The following SLC24A3 variants were observed in gnomAD, a reference collection of about 807,000 sequenced individuals.
The protein encoded by SLC24A3 is solute carrier family 24 member 3, also known as sodium/potassium/calcium exchanger 3.
SLC24A3 carries 28 observed loss-of-function variants against 75.8 expected under a neutral mutation model. That is an observed-to-expected ratio of 0.37 (90% CI 0.27 to 0.51). SLC24A3 has a LOEUF of 0.51. Ranked by LOEUF, SLC24A3 falls within the 20% of genes least tolerant of loss-of-function variation. SLC24A3 has a pLI of 0.94. For synonymous variants in SLC24A3, 372 were observed against 334.1 expected (o/e 1.11, Z -1.24); for missense variants, 663 against 847.8 (o/e 0.78, Z 2.71).
intron 3 of SLC24A3, among the ~76,000 whole-genome samples, chr20:19,526,130 T>G (rs1414395822): frequency 6.6e-6 from 1 of 152,176 alleles, no homozygotes; most frequent in East Asian, 1.9e-4. Flanking sequence ...AGCTCACATG[T>G]TTCCCTTCCT....
chr20:19,603,923 G>T (rs187421242), intron 6 of SLC24A3, among the ~76,000 whole-genome samples: 1 of 152,174 alleles, frequency 6.6e-6, no homozygotes. Flanking sequence ...CATCATTCAC[G>T]TGTCTCTGTA....
chr20:19,608,235 G>C (rs371910011), intron 6 of SLC24A3, among the ~76,000 whole-genome samples: 1 of 152,174 alleles, frequency 6.6e-6, no homozygotes, highest in African/African-American at 2.4e-5. Context: ...AAACTTGTTC[G>C]TCTGAATTGA....
chr20:19,317,515 C>T (rs1268993856), intron 2 of SLC24A3, among the ~76,000 whole-genome samples: 1 of 152,232 alleles, frequency 6.6e-6, no homozygotes, highest in Non-Finnish European at 1.5e-5. Context: ...GACAAAGCAG[C>T]CACAGCCAGG....
intron 6 of SLC24A3, among the ~76,000 whole-genome samples, chr20:19,630,318 GACA>G (rs1317522956): frequency 6.6e-6 from 1 of 152,174 alleles, no homozygotes; most frequent in Non-Finnish European, 1.5e-5. Context: ...TAAGTTTGGA[GACA>G]ACAAGCCACC....
chr20:19,289,458 T>A (rs1008081977), intron 2 of SLC24A3, among the ~76,000 whole-genome samples: 1 of 152,168 alleles, frequency 6.6e-6, no homozygotes, highest in Non-Finnish European at 1.5e-5. Context: ...CTCTGCACGA[T>A]GACAGTTTCC....
At position 19,424,409 on chromosome 20, in the gene SLC24A3, G is replaced by A. The variant is rs565209614; in HGVS notation, c.272-91079G>A. Among the ~76,000 whole-genome samples, 8 of 152,192 alleles carry A rather than the reference G, an allele frequency of 5.3e-5. No individual in the cohort carries two copies. In the East Asian group the frequency reaches 7.7e-4, roughly 15 times the overall value. On this transcript the variant is annotated intron_variant, in intron 2 of 16. Coordinates refer to ENST00000328041, the MANE Select transcript of SLC24A3 (RefSeq NM_020689.4). The stretch of plus-strand genomic sequence containing the variant: ...TGATGACTAAATAATTGAGCATGGG[G>A]CCGGGTGCAGTGGCTCATGCCAGTA...
At chr20:19,662,565 C>T (rs1482418896) in intron 7 of SLC24A3, among the ~76,000 whole-genome samples, 4 of 152,246 alleles carry the variant, frequency 2.6e-5, no homozygotes, top group Admixed American at 2.6e-4. Flanking sequence ...GGAGGGAGGA[C>T]TGGAACGTGA....
chr20:19,678,097 A>T lies in SLC24A3; in HGVS notation c.768-3761A>T, dbSNP rs1157840004. Among the ~76,000 whole-genome samples, 7 of 150,728 alleles carry T rather than the reference A, an allele frequency of 4.6e-5. No homozygotes were observed. The East Asian group carries it at 1.4e-3, about 30-fold the overall frequency. On this transcript the variant is annotated intron_variant, in intron 9 of 16. Transcript: ENST00000328041. ...TACAGAACAAAATGAAAAGTCTCCC[A>T]TGTCTACTTCTTTCTACACAGACAC...
chr20:19,590,086 C>A (rs2031352506), intron 6 of SLC24A3, among the ~76,000 whole-genome samples: 2 of 151,680 alleles, frequency 1.3e-5, no homozygotes, highest in South Asian at 4.2e-4. Context: ...ATGGTGGTAG[C>A]CCCTGCTACA....
At chr20:19,635,390 T>C (rs2031987878) in intron 6 of SLC24A3, among the ~76,000 whole-genome samples, 1 of 152,208 alleles carries the variant, frequency 6.6e-6, no homozygotes, top group Non-Finnish European at 1.5e-5. Context: ...AAGCACAGAA[T>C]CAGAAAATTT....
Position 19,346,144 on chromosome 20 carries a change from T to G in SLC24A3, c.271+65057T>G, listed in dbSNP as rs558591796. On this transcript the variant is annotated intron_variant, in intron 2 of 16. Coordinates refer to ENST00000328041, the MANE Select transcript of SLC24A3 (RefSeq NM_020689.4). ...TGTGTGTATATATATATATGGTGTG[T>G]GTATATATATATGGTGTATATATAT... Among the ~76,000 whole-genome samples, 12 of 83,434 alleles carry G rather than the reference T, an allele frequency of 1.4e-4. 1 individual carries two copies. In the East Asian group the frequency reaches 3.0e-3, roughly 21 times the overall value. The allele number at this position is 83,434 out of a possible 152,430, so 54.7% of individuals were successfully genotyped here.
chr20:19,416,566 A>G (rs76875699), intron 2 of SLC24A3, among the ~76,000 whole-genome samples: 2,698 of 152,298 alleles, frequency 0.018, 82 homozygotes, highest in African/African-American at 0.06. Context: ...GACACCTGCA[A>G]GCCGGTGCCT....
intron 3 of SLC24A3, among the ~76,000 whole-genome samples, chr20:19,575,673 T>G (rs1035384662): frequency 1.3e-5 from 2 of 152,232 alleles, no homozygotes; most frequent in Non-Finnish European, 2.9e-5. Flanking sequence ...GCCATGGGCT[T>G]GGATTCCAGG....
chr20:19,387,145 G>A (rs1469886002), intron 2 of SLC24A3, among the ~76,000 whole-genome samples: 1 of 151,990 alleles, frequency 6.6e-6, no homozygotes, highest in Non-Finnish European at 1.5e-5. Context: ...ATTGTTCACT[G>A]TAGTCTCTTA....
At chr20:19,294,388 G>T (rs748116408) in intron 2 of SLC24A3, among the ~76,000 whole-genome samples, 20 of 152,074 alleles carry the variant, frequency 1.3e-4, no homozygotes, top group Non-Finnish European at 2.5e-4. Context: ...CATCACCTAG[G>T]TATTAAGCCC....
chr20:19,241,965 T>A (rs183712440), intron 1 of SLC24A3, among the ~76,000 whole-genome samples: 29 of 152,338 alleles, frequency 1.9e-4, no homozygotes, highest in Admixed American at 1.2e-3. Flanking sequence ...GCAGCGAGTC[T>A]GAATGCCTCC....
At chr20:19,388,618 A>G (rs998615060) in intron 2 of SLC24A3, among the ~76,000 whole-genome samples, 4 of 152,196 alleles carry the variant, frequency 2.6e-5, no homozygotes, top group Non-Finnish European at 5.9e-5. Flanking sequence ...AGCTGAGGGC[A>G]GGAGAATGGT....
At position 19,296,867 on chromosome 20, in the gene SLC24A3, G is replaced by A. The variant is rs1326244545; in HGVS notation, c.271+15780G>A. Among the ~76,000 whole-genome samples the A allele has an allele frequency of 3.3e-5, 5 of 152,234 alleles. 1 individual carries two copies. The South Asian group carries it at 6.2e-4, about 19-fold the overall frequency. ...AGAAGTAAAACACTTCTCAGCAAAT[G>A]GAAGAGAACTGAAAACATAACAAAG... On this transcript the variant is annotated intron_variant, in intron 2 of 16. Coordinates refer to ENST00000328041, the MANE Select transcript of SLC24A3 (RefSeq NM_020689.4).
chr20:19,362,953 C>T (rs1022534335), intron 2 of SLC24A3, among the ~76,000 whole-genome samples: 2 of 152,148 alleles, frequency 1.3e-5, no homozygotes, highest in African/African-American at 4.8e-5. Flanking sequence ...CTTGCTGTGC[C>T]GTTTTCAAAC....
Sources: allele counts gnomAD v4.1 joint callset (sites outside exome capture counted in the v4.1 genomes callset), GRCh38; gene constraint gnomAD v4.1.1; transcripts MANE v1.5; gene names NCBI Gene and HGNC (gene_info 2026-07-23, HGNC 2026-07-21).